TNFSF8: variants seen among roughly 807,000 people sequenced by gnomAD.
The protein encoded by TNFSF8 is TNF superfamily member 8, also known as tumor necrosis factor ligand superfamily member 8.
A neutral mutation model predicts 22.0 loss-of-function variants in TNFSF8; 4 were observed. The observed-to-expected ratio is 0.18, with a 90% confidence interval of 0.09 to 0.42. The LOEUF (loss-of-function observed/expected upper bound fraction) is 0.42. Among genes scored for constraint, TNFSF8 ranks in the 10% least tolerant of loss-of-function variants. TNFSF8 has a pLI of 1.00. For missense variants in TNFSF8, 233 were observed against 281.8 expected (o/e 0.83, Z 1.24); for synonymous variants, 106 against 112.5 (o/e 0.94, Z 0.37).
chr9:114,906,965 A>G (rs1169489361), intron 2 of TNFSF8, among the ~76,000 whole-genome samples: 1 of 152,206 alleles, frequency 6.6e-6, no homozygotes, highest in Non-Finnish European at 1.5e-5. Flanking sequence ...TAGTCCATCC[A>G]TCAGACGGTA....
intron 2 of TNFSF8, among the ~76,000 whole-genome samples, chr9:114,909,737 A>G (rs777759730): frequency 1.5e-4 from 23 of 152,234 alleles, no homozygotes; most frequent in Admixed American, 6.5e-5. Context: ...GGCATGTTGC[A>G]TTACCCAAGG....
At chr9:114,922,894 A>G (rs1330292685) in intron 1 of TNFSF8, among the ~76,000 whole-genome samples, 5 of 152,064 alleles carry the variant, frequency 3.3e-5, no homozygotes, top group Non-Finnish European at 7.4e-5. Context: ...TGCATTTTTG[A>G]TGAGCATCCA....
chr9:114,919,714 G>A (rs527503494), intron 1 of TNFSF8, among the ~76,000 whole-genome samples: 7 of 152,088 alleles, frequency 4.6e-5, no homozygotes, highest in African/African-American at 7.2e-5. Context: ...ATTAGCAGCC[G>A]CCCACAGCTT....
At chr9:114,901,041 G>A (rs983635861), downstream of TNFSF8, 11 of 981,554 alleles carry the variant, frequency 1.1e-5, no homozygotes, top group Middle Eastern at 5.2e-4. Flanking sequence ...CTGAGTGTGT[G>A]TGTGTGTGTG....
chr9:114,912,005 A>C (rs1389135620), intron 2 of TNFSF8, among the ~76,000 whole-genome samples: 1 of 152,234 alleles, frequency 6.6e-6, no homozygotes, highest in East Asian at 1.9e-4. Flanking sequence ...CTACCTGTTC[A>C]AAATGCAAAA....
In TNFSF8 at chr9:114,923,303, G is replaced by A. The variant is rs531451986; in HGVS notation, c.196-5165C>T. Among the ~76,000 whole-genome samples, 63 of 152,134 alleles carry A rather than the reference G, an allele frequency of 4.1e-4. 1 individual carries two copies. Among genetic ancestry groups the A allele is most frequent in the Admixed American group, 2.7e-3 (42 of 15,292 alleles). The stretch of plus-strand genomic sequence containing the variant: ...TTCCAATGGGGAGCTCTTCTCTACA[G>A]AAGAATGACAGCTAATAAATTTGGA... On this transcript the variant is annotated intron_variant, in intron 1 of 3. Coordinates refer to ENST00000223795, the MANE Select transcript of TNFSF8 (RefSeq NM_001244.4).
intron 1 of TNFSF8, among the ~76,000 whole-genome samples, 166 bp from the exon 2 acceptor site, chr9:114,918,304 C>G (rs1827945064): frequency 2.0e-5 from 3 of 152,062 alleles, no homozygotes; most frequent in African/African-American, 7.3e-5. Flanking sequence ...AATGGGCTTT[C>G]TATCCATTTG....
At chr9:114,925,712 G>T (rs1233670578) in intron 1 of TNFSF8, among the ~76,000 whole-genome samples, 2 of 151,970 alleles carry the variant, frequency 1.3e-5, no homozygotes, top group African/African-American at 4.8e-5. Context: ...TTTAAAAAAA[G>T]AATTTTTTTT....
intron 2 of TNFSF8, among the ~76,000 whole-genome samples, chr9:114,911,003 A>G (rs933835697): frequency 6.6e-6 from 1 of 152,228 alleles, no homozygotes; most frequent in Non-Finnish European, 1.5e-5. Context: ...AGATGCAATG[A>G]GACCGTGGAT....
chr9:114,925,113 T>C lies in TNFSF8; in HGVS notation c.195+4996A>G, dbSNP rs143830262. Among the ~76,000 whole-genome samples the C allele has an allele frequency of 1.8e-3, 267 of 152,260 alleles. 3 individuals are homozygous for C. The highest frequency in any genetic ancestry group is 5.8e-3 in the African/African-American group (239 of 41,556). ...TCAGCAAACAAGATGTGGGGTTTTATTGGGGGCTTACATACAGGGGAGAGA... is the reference window on the plus strand; with the variant it reads ...TCAGCAAACAAGATGTGGGGTTTTACTGGGGGCTTACATACAGGGGAGAGA... On this transcript the variant is annotated intron_variant, in intron 1 of 3. Transcript: ENST00000223795.
intron 1 of TNFSF8, among the ~76,000 whole-genome samples, chr9:114,921,020 C>T (rs1441084884): frequency 6.6e-6 from 1 of 152,144 alleles, no homozygotes; most frequent in Admixed American, 6.5e-5. Context: ...TCCTGGCCCA[C>T]AGAACACTTT....
intron 2 of TNFSF8, among the ~76,000 whole-genome samples, chr9:114,914,296 G>A (rs1401353406): frequency 6.6e-6 from 1 of 152,188 alleles, no homozygotes; most frequent in African/African-American, 2.4e-5. Context: ...GGCTGCACTG[G>A]GATGTGCTAC....
intron 1 of TNFSF8, among the ~76,000 whole-genome samples, chr9:114,927,554 C>A (rs969543475): frequency 6.6e-6 from 1 of 152,186 alleles, no homozygotes; most frequent in Admixed American, 6.5e-5. Context: ...TGAAACTAAT[C>A]CCCAGGAGTT....
At chr9:114,905,938 C>G in intron 2 of TNFSF8, 39 bp from the exon 3 acceptor site, 1 of 1,429,158 alleles carries the variant, frequency 7.0e-7, no homozygotes, top group Non-Finnish European at 9.9e-7. Context: ...TGTCTTTTGC[C>G]GTTTTGGGAT....
At chr9:114,929,968 AT>A (rs1828116033) in intron 1 of TNFSF8, 140 bp downstream of exon 1, 1 of 307,738 alleles carries the variant, frequency 3.2e-6, no homozygotes, top group Non-Finnish European at 5.7e-6. Flanking sequence ...TATAGTATAT[AT>A]ATATATATAG....
chr9:114,925,131 G>T lies in TNFSF8; in HGVS notation c.195+4978C>A, dbSNP rs12336867. ...GGTTTTATTGGGGGCTTACATACAG[G>T]GGAGAGAGTCCAGTGGCAGTGAGCT... On this transcript the variant is annotated intron_variant, in intron 1 of 3. Transcript: ENST00000223795. Among the ~76,000 whole-genome samples the T allele has an allele frequency of 7.3e-3, 1,108 of 152,280 alleles. 10 individuals are homozygous for T. The highest frequency in any genetic ancestry group is 0.027 in the Middle Eastern group (8 of 294).
At chr9:114,919,638 G>C (rs1328815608) in intron 1 of TNFSF8, among the ~76,000 whole-genome samples, 5 of 152,012 alleles carry the variant, frequency 3.3e-5, no homozygotes, top group African/African-American at 1.2e-4. Flanking sequence ...TATTAGTAAA[G>C]ACCTAGAGAG....
At chr9:114,917,621 A>G (rs1336648753) in intron 2 of TNFSF8, among the ~76,000 whole-genome samples, 2 of 152,204 alleles carry the variant, frequency 1.3e-5, no homozygotes, top group African/African-American at 4.8e-5. Flanking sequence ...AGCTATTACT[A>G]GTTATTTAAT....
chr9:114,906,432 A>G (rs1827786928), intron 2 of TNFSF8, among the ~76,000 whole-genome samples: 1 of 152,228 alleles, frequency 6.6e-6, no homozygotes, highest in African/African-American at 2.4e-5. Flanking sequence ...TATATCAGCT[A>G]ATCTAGTTCT....
Sources: gnomAD v4.1 joint callset for allele counts (sites outside exome capture counted in the v4.1 genomes callset) on GRCh38, gnomAD v4.1.1 for gene constraint, MANE v1.5 for transcripts, NCBI Gene and HGNC (gene_info 2026-07-23, HGNC 2026-07-21) for gene names.